Variants in COL6A5 observed in about 807,000 individuals in gnomAD.
The protein encoded by COL6A5 is collagen alpha-5(VI) chain.
A neutral mutation model predicts 65.6 loss-of-function variants in COL6A5; 48 were observed. The observed-to-expected ratio is 0.73, with a 90% CI of 0.58 to 0.93. The LOEUF is 0.93. COL6A5 is among the 40% of genes least tolerant of loss of function. The pLI is 0.00. For missense variants in COL6A5, 914 were observed against 928.3 expected (o/e 0.98, Z 0.20); for synonymous variants, 291 against 322.8 (o/e 0.90, Z 1.05).
At chr3:130,398,625 C>T (rs895132981) in intron 10 of COL6A5, among the ~76,000 whole-genome samples, 1 of 152,098 alleles carries the variant, frequency 6.6e-6, no homozygotes, top group Non-Finnish European at 1.5e-5. Flanking sequence ...AGACTTATGA[C>T]CTTCTATATA....
chr3:130,427,002 T>C (rs928200363), upstream of COL6A5, among the ~76,000 whole-genome samples: 2 of 152,186 alleles, frequency 1.3e-5, no homozygotes, highest in South Asian at 4.1e-4. Context: ...AAATATATGA[T>C]TGTTGGAATA....
chr3:130,459,725 A>G (rs1016916051), intron 5 of COL6A5, among the ~76,000 whole-genome samples: 1 of 150,100 alleles, frequency 6.7e-6, no homozygotes, highest in East Asian at 2.0e-4. Flanking sequence ...ATTCTACTAT[A>G]TTTTTTTTTT....
intron 5 of COL6A5, among the ~76,000 whole-genome samples, chr3:130,456,213 C>T (rs912246792): frequency 2.0e-5 from 3 of 152,012 alleles, no homozygotes; most frequent in Non-Finnish European, 2.9e-5. Flanking sequence ...ACATAAACTC[C>T]CTTGATGCCT....
At position 130,398,365 on chromosome 3, in the gene COL6A5, C is replaced by T. The variant is rs529816896; in HGVS notation, c.3991+254C>T. The stretch of plus-strand genomic sequence containing the variant: ...TAGGGTGGTCTTGATCTCCTGACCT[C>T]GTGATTCACCCGACTTGGCCTCCCA... On this transcript the variant is annotated intron_variant and NMD_transcript_variant, in intron 10 of 41. Coordinates refer to the COL6A5 transcript ENST00000312481. 2.0e-5 allele frequency among the ~76,000 whole-genome samples: 3 copies of T among 152,208 alleles called. No individual in the cohort carries two copies. In the South Asian group the frequency reaches 6.2e-4, roughly 32 times the overall value.
At chr3:130,481,674 C>T (rs775690401) in intron 7 of COL6A5, among the ~76,000 whole-genome samples, 11 of 152,200 alleles carry the variant, frequency 7.2e-5, no homozygotes, top group South Asian at 2.1e-4. Context: ...AGTGTAAAAG[C>T]GTCCCTATTT....
exon 5 of COL6A5, chr3:130,455,571 T>C: frequency 6.2e-7 from 1 of 1,613,014 alleles, no homozygotes. Context: ...AGTGACTATT[T>C]GGTTTACCTT....
intron 1 of COL6A5, among the ~76,000 whole-genome samples, chr3:130,351,409 A>T (rs1357011752): frequency 1.3e-5 from 2 of 152,178 alleles, no homozygotes; most frequent in Admixed American, 6.5e-5. Context: ...TTTGCAATCT[A>T]CCCATCTGAT....
intron 4 of COL6A5, among the ~76,000 whole-genome samples, chr3:130,449,430 G>A (rs184769279): frequency 2.0e-5 from 3 of 152,208 alleles, no homozygotes; most frequent in East Asian, 1.9e-4. Context: ...AGATTAATGG[G>A]AATTGGCATG....
chr3:130,352,275 G>A (rs1001655084), intron 1 of COL6A5, among the ~76,000 whole-genome samples: 1 of 151,888 alleles, frequency 6.6e-6, no homozygotes, highest in South Asian at 2.1e-4. Context: ...CCTGCACATT[G>A]TGCACATGTA....
At chr3:130,472,858 T>TATATACAC (rs1198559167) in intron 7 of COL6A5, among the ~76,000 whole-genome samples, 148 of 141,848 alleles carry the variant, frequency 1.0e-3, no homozygotes, top group African/African-American at 3.4e-3. Flanking sequence ...TATATATATA[T>TATATACAC]ACACATTTAT....
Position 130,440,290 on chromosome 3 carries a change from CTT to C in COL6A5, c.707_708del (p.Leu237GlyfsTer6). On this transcript the variant is annotated frameshift_variant, in exon 3 of 8. Coordinates refer to ENST00000512836, the Ensembl canonical transcript of COL6A5. LOFTEE classifies it high-confidence loss of function. ...AGGATGAGTTTAAGGCTGTGAAAGC[CTT>C]GGTGAGCTCAGTGATTGACAACTTC... 6.2e-7 allele frequency: 1 copy of C among 1,613,300 alleles called. No individual in the cohort carries two copies. The highest frequency in any genetic ancestry group is 8.5e-7 in the Non-Finnish European group (1 of 1,179,652).
exon 1 of COL6A5, chr3:130,431,949 G>T (rs1348232410): frequency 1.9e-6 from 3 of 1,547,896 alleles, no homozygotes; most frequent in East Asian, 2.4e-5. Context: ...AAGCTTTTGG[G>T]GTAAGAATTT....
intron 4 of COL6A5, 92 bp from the exon 5 acceptor site, chr3:130,384,712 T>C: frequency 9.5e-7 from 1 of 1,047,316 alleles, no homozygotes; most frequent in Non-Finnish European, 1.4e-6. Flanking sequence ...CTTCATTCTT[T>C]AGAAATGCCT....
chr3:130,390,939 C>T (rs533313370), intron 6 of COL6A5, among the ~76,000 whole-genome samples: 1 of 152,270 alleles, frequency 6.6e-6, no homozygotes, highest in South Asian at 2.1e-4. Context: ...GACCAGCAAA[C>T]CTGGAGTGAT....
intron 1 of COL6A5, among the ~76,000 whole-genome samples, chr3:130,346,548 T>C (rs926336085): frequency 1.3e-5 from 2 of 152,204 alleles, no homozygotes; most frequent in Admixed American, 1.3e-4. Context: ...AACGAAACTG[T>C]GATCTTTGAG....
chr3:130,368,884 T>C (rs866349829), intron 1 of COL6A5, among the ~76,000 whole-genome samples: 1 of 152,272 alleles, frequency 6.6e-6, no homozygotes, highest in East Asian at 1.9e-4. Flanking sequence ...GCTCCAGAAA[T>C]GGGATAAGGC....
chr3:130,346,569 A>T (rs914734971), intron 1 of COL6A5, among the ~76,000 whole-genome samples: 3 of 152,312 alleles, frequency 2.0e-5, no homozygotes, highest in African/African-American at 7.2e-5. Context: ...ATTTCCTAAG[A>T]ACAGCACTCA....
At chr3:130,375,054 C>T (rs952401148) in intron 2 of COL6A5, among the ~76,000 whole-genome samples, 1 of 152,100 alleles carries the variant, frequency 6.6e-6, no homozygotes, top group Non-Finnish European at 1.5e-5. Context: ...CATTTACTAG[C>T]ACATTACTAA....
At chr3:130,376,205 CT>C in intron 2 of COL6A5, 31 bp from the exon 3 acceptor site, 1 of 1,535,610 alleles carries the variant, frequency 6.5e-7, no homozygotes, top group Non-Finnish European at 8.8e-7. Context: ...TGAATGATAA[CT>C]TTGTTTTTGC....
Sources: gnomAD v4.1 joint callset for allele counts (sites outside exome capture counted in the v4.1 genomes callset) on GRCh38, gnomAD v4.1.1 for gene constraint, MANE v1.5 for transcripts, NCBI Gene and HGNC (gene_info 2026-07-23, HGNC 2026-07-21) for gene names.